Variants in VPS13B observed in about 807,000 individuals in gnomAD.
VPS13B encodes vacuolar protein sorting 13 homolog B.
A neutral mutation model predicts 426.4 loss-of-function variants in VPS13B; 285 were observed. The ratio of observed to expected loss-of-function variants is 0.67; its 90% CI spans 0.61 to 0.74. VPS13B has a LOEUF of 0.74. Among genes scored for constraint, VPS13B ranks in the 30% least tolerant of loss-of-function variants. VPS13B has a pLI of 0.00. For missense variants in VPS13B, 4,537 were observed against 4,782.6 expected (o/e 0.95, Z 1.51); for synonymous variants, 1,676 against 1,676.4 (o/e 1.00, Z 0.01).
chr8:99,365,220 C>A (rs1272165495), intron 19 of VPS13B, among the ~76,000 whole-genome samples: 1 of 150,298 alleles, frequency 6.7e-6, no homozygotes, highest in African/African-American at 2.4e-5. Context: ...TTCAAAAAAT[C>A]AATATTATTT....
chr8:99,854,296 C>T (rs765521979), intron 56 of VPS13B, 40 bp downstream of exon 56: 49 of 1,597,746 alleles, frequency 3.1e-5, no homozygotes, highest in Middle Eastern at 1.9e-4. Context: ...AGCTAGAGCC[C>T]GGGTAGAAAT....
intron 33 of VPS13B, among the ~76,000 whole-genome samples, chr8:99,584,127 C>G (rs1227952014): frequency 6.6e-6 from 1 of 152,074 alleles, no homozygotes; most frequent in Non-Finnish European, 1.5e-5. Context: ...GACGGAATAC[C>G]TCAAATTTCT....
chr8:99,181,548 C>T (rs1374536207), intron 16 of VPS13B, among the ~76,000 whole-genome samples: 1 of 152,154 alleles, frequency 6.6e-6, no homozygotes, highest in Non-Finnish European at 1.5e-5. Flanking sequence ...TTAATTCTTA[C>T]CTTCGAGTTA....
At chr8:99,270,129 A>ATGTTTTTTTT (rs1370378172) in intron 17 of VPS13B, among the ~76,000 whole-genome samples, 1 of 16,826 alleles carries the variant, frequency 5.9e-5, no homozygotes, top group Admixed American at 9.7e-4. Context: ...AGATATAAGA[A>ATGTTTTTTTT]TCTTTTTTTT....
chr8:99,496,869 CT>C (rs1480801650), intron 25 of VPS13B, among the ~76,000 whole-genome samples: 1 of 151,682 alleles, frequency 6.6e-6, no homozygotes, highest in East Asian at 1.9e-4. Context: ...GGATTATATT[CT>C]GTTGACAAAA....
intron 42 of VPS13B, 135 bp from the exon 43 acceptor site, chr8:99,784,180 A>G (rs1458459388): frequency 2.8e-6 from 3 of 1,071,896 alleles, no homozygotes; most frequent in South Asian, 2.5e-5. Context: ...AGTATAGAAT[A>G]CTTTGTATAC....
intron 19 of VPS13B, among the ~76,000 whole-genome samples, chr8:99,338,845 C>T (rs1811075308): frequency 6.6e-6 from 1 of 152,118 alleles, no homozygotes; most frequent in African/African-American, 2.4e-5. Context: ...CCATTACATA[C>T]AGGAAGACAT....
intron 56 of VPS13B, among the ~76,000 whole-genome samples, chr8:99,856,876 AAAAAT>A (rs369729853): frequency 2.6e-4 from 39 of 149,328 alleles, no homozygotes; most frequent in African/African-American, 8.1e-4. Flanking sequence ...TTAAACAACT[AAAAAT>A]AAAAAAGTAT....
intron 34 of VPS13B, among the ~76,000 whole-genome samples, chr8:99,660,618 C>T (rs1008979965): frequency 2.0e-5 from 3 of 151,950 alleles, no homozygotes; most frequent in African/African-American, 7.2e-5. Flanking sequence ...TCAATAAAAG[C>T]TGTGGATTCC....
chr8:99,391,837 A>G (rs537898082), intron 21 of VPS13B, 133 bp downstream of exon 21: 573 of 1,206,766 alleles, frequency 4.7e-4, no homozygotes, highest in Non-Finnish European at 6.2e-4. Context: ...TTTATTATCC[A>G]CAACATTAGC....
At chr8:99,034,236 T>C (rs1391760075) in intron 2 of VPS13B, among the ~76,000 whole-genome samples, 2 of 152,220 alleles carry the variant, frequency 1.3e-5, no homozygotes, top group Non-Finnish European at 2.9e-5. Flanking sequence ...AAACAAATTC[T>C]CTTTTCTATT....
Position 99,854,134 on chromosome 8 carries a change from T to C in VPS13B, c.10745T>C (p.Ile3582Thr), listed in dbSNP as rs1816432175. The C allele has an allele frequency of 3.1e-6, 5 of 1,613,168 alleles. No homozygotes were observed. The highest frequency in any genetic ancestry group is 1.1e-5 in the South Asian group (1 of 91,038). ...VSIHASLKLY[I>T]ASDHTPLSFS... is the part of the protein sequence containing the mutation. ...ATCCACGCTTCCCTCAAGCTGTACA[T>C]AGCCTCAGACCACACTCCTCTCTCC... is the stretch of plus-strand genomic sequence containing the variant. Residue 3582 changes from isoleucine (I) to threonine (T), a missense_variant, in exon 56 of 62, where the codon ATA (isoleucine) becomes ACA (threonine). By Grantham distance (89) the Ile-to-Thr change is moderately conservative. This residue lies in a region of VPS13B where 4,311 missense variants were observed against 4,474.3 expected (regional missense o/e 0.96). Coordinates refer to ENST00000357162, the MANE Select transcript of VPS13B (RefSeq NM_152564.5).
chr8:99,866,737 G>A (rs1817121189), intron 58 of VPS13B, among the ~76,000 whole-genome samples: 1 of 152,256 alleles, frequency 6.6e-6, no homozygotes, highest in Non-Finnish European at 1.5e-5. Context: ...ATAATCTGCT[G>A]AGGTGACTGG....
At chr8:99,254,520 A>G (rs1817655166) in intron 17 of VPS13B, among the ~76,000 whole-genome samples, 1 of 149,584 alleles carries the variant, frequency 6.7e-6, no homozygotes, top group African/African-American at 2.5e-5. Context: ...CTTTGAGTTT[A>G]CTCTGTTAGG....
intron 25 of VPS13B, 140 bp from the exon 26 acceptor site, chr8:99,501,547 T>C (rs1485952794): frequency 2.4e-6 from 2 of 829,002 alleles, no homozygotes; most frequent in East Asian, 5.3e-5. Context: ...TGTATTGGTA[T>C]TAACATTTAT....
intron 54 of VPS13B, among the ~76,000 whole-genome samples, chr8:99,837,283 A>G (rs1022248832): frequency 1.3e-5 from 2 of 152,072 alleles, no homozygotes; most frequent in South Asian, 4.2e-4. Flanking sequence ...GTGGCCACAA[A>G]CTACTCAGGG....
intron 23 of VPS13B, among the ~76,000 whole-genome samples, chr8:99,462,968 C>T (rs905995377): frequency 2.6e-5 from 4 of 152,184 alleles, no homozygotes; most frequent in Non-Finnish European, 4.4e-5. Context: ...ATTGTTTAAG[C>T]CACTAGTCTA....
intron 32 of VPS13B, among the ~76,000 whole-genome samples, chr8:99,575,987 TA>T (rs1318061490): frequency 6.6e-6 from 1 of 152,172 alleles, no homozygotes; most frequent in Non-Finnish European, 1.5e-5. Context: ...TTAGTCCTCA[TA>T]ATAATCTTAT....
At chr8:99,871,782 G>A (rs1817429387) in intron 61 of VPS13B, 85 bp downstream of exon 61, 3 of 1,603,512 alleles carry the variant, frequency 1.9e-6, no homozygotes, top group African/African-American at 2.7e-5. Context: ...AGGCATTTCT[G>A]AGCTGCAGCC....
Sources: gnomAD v4.1 joint callset for allele counts (sites outside exome capture counted in the v4.1 genomes callset) on GRCh38, gnomAD v4.1.1 for gene constraint, gnomAD v4.1.1 regional missense constraint, MANE v1.5 for transcripts, NCBI Gene and HGNC (gene_info 2026-07-23, HGNC 2026-07-21) for gene names.